RNF182: variants seen among roughly 807,000 people sequenced by gnomAD.
The protein encoded by RNF182 is E3 ubiquitin-protein ligase RNF182.
Under a neutral mutation model 14.4 loss-of-function variants are expected in RNF182, and 15 were observed. That is an observed-to-expected ratio of 1.04 (90% CI 0.70 to 1.60). The LOEUF is 1.60. Among genes scored for constraint, RNF182 ranks in the 40% most tolerant of loss-of-function variants. The probability of loss-of-function intolerance (pLI) is 0.00; values close to 1 mark genes in which losing one functional copy is unlikely to be tolerated. For synonymous variants in RNF182, 128 were observed against 122.9 expected (o/e 1.04, Z -0.27); for missense variants, 268 against 294.8 (o/e 0.91, Z 0.67).
At chr6:13,931,699 A>C (rs1342262997) in intron 1 of RNF182, among the ~76,000 whole-genome samples, 1 of 151,458 alleles carries the variant, frequency 6.6e-6, no homozygotes, top group Admixed American at 6.6e-5. Flanking sequence ...GACAGCCTGG[A>C]TTTGAATACT....
intron 1 of RNF182, among the ~76,000 whole-genome samples, chr6:13,945,116 G>C (rs1759406621): frequency 6.6e-6 from 1 of 152,156 alleles, no homozygotes; most frequent in Non-Finnish European, 1.5e-5. Context: ...GTTGCTCTTA[G>C]TTATAGAGCC....
chr6:13,967,236 A>G (rs1235131492), intron 1 of RNF182, among the ~76,000 whole-genome samples: 2 of 152,210 alleles, frequency 1.3e-5, no homozygotes, highest in Admixed American at 6.5e-5. Context: ...AACAAGTAAT[A>G]TAAGCTTTAG....
chr6:13,956,756 AC>A (rs1335973278), intron 1 of RNF182, among the ~76,000 whole-genome samples: 1 of 152,192 alleles, frequency 6.6e-6, no homozygotes, highest in Non-Finnish European at 1.5e-5. Context: ...CTTCAAGGAT[AC>A]CAACGGCTGA....
chr6:13,965,475 A>G (rs1157026812), intron 1 of RNF182, among the ~76,000 whole-genome samples: 1 of 152,224 alleles, frequency 6.6e-6, no homozygotes, highest in Non-Finnish European at 1.5e-5. Context: ...CAAATAGCTT[A>G]TTAAGTTCCA....
chr6:13,926,787 GTGTGTTT>G (rs1242285582), intron 1 of RNF182, among the ~76,000 whole-genome samples: 2 of 137,470 alleles, frequency 1.5e-5, no homozygotes, highest in African/African-American at 6.1e-5. Context: ...GTGTGTGTGT[GTGTGTTT>G]TTTTTTTTTT....
At chr6:13,948,489 T>G (rs186270726) in intron 1 of RNF182, among the ~76,000 whole-genome samples, 2 of 152,190 alleles carry the variant, frequency 1.3e-5, no homozygotes, top group East Asian at 3.8e-4. Context: ...AATAACACAT[T>G]TAAATAACCC....
intron 1 of RNF182, among the ~76,000 whole-genome samples, chr6:13,957,916 G>A (rs531985456): frequency 9.2e-5 from 14 of 152,026 alleles, no homozygotes; most frequent in Non-Finnish European, 1.9e-4. Flanking sequence ...GATACTTTTG[G>A]TGAGCCTAAA....
intron 1 of RNF182, among the ~76,000 whole-genome samples, chr6:13,951,247 G>A (rs972451350): frequency 3.3e-5 from 5 of 152,148 alleles, no homozygotes; most frequent in Admixed American, 2.0e-4. Flanking sequence ...TGGATTACTG[G>A]CTTCAGGCAG....
rs1760420392 is a variant in RNF182 at position 13,978,875 on chromosome 6, T to C, written c.*1012T>C. 1 of 167,128 alleles carries C rather than the reference T, an allele frequency of 6.0e-6. No homozygotes were observed. Among genetic ancestry groups the C allele is most frequent in the African/African-American group, 2.4e-5 (1 of 41,480 alleles). 10.4% of individuals were successfully genotyped at this position (167,128 alleles called of 1,614,324 possible). The stretch of plus-strand genomic sequence containing the variant: ...AACCAGAAACAGTTAATGAGATGCT[T>C]CAGCTCACAGTTTGAAGTGCTGAGA... On this transcript the variant is annotated 3_prime_UTR_variant, in exon 3 of 3. Transcript: ENST00000488300.
chr6:13,936,583 G>C (rs1759117011), intron 1 of RNF182, among the ~76,000 whole-genome samples: 2 of 152,214 alleles, frequency 1.3e-5, no homozygotes, highest in South Asian at 4.1e-4. Flanking sequence ...ACTGTGCTAG[G>C]CACTAATGAC....
intron 1 of RNF182, among the ~76,000 whole-genome samples, chr6:13,968,877 A>G (rs1339423388): frequency 6.6e-6 from 1 of 152,216 alleles, no homozygotes; most frequent in Non-Finnish European, 1.5e-5. Flanking sequence ...TTATTTATTT[A>G]TATAAATTTC....
intron 1 of RNF182, among the ~76,000 whole-genome samples, chr6:13,967,721 T>C (rs566158403): frequency 4.0e-4 from 61 of 152,246 alleles, no homozygotes; most frequent in Non-Finnish European, 6.6e-4. Context: ...TATATAACCT[T>C]TTTAAAATTT....
At chr6:13,969,280 G>T (rs1338495751) in intron 1 of RNF182, among the ~76,000 whole-genome samples, 1 of 151,932 alleles carries the variant, frequency 6.6e-6, no homozygotes, top group Admixed American at 6.6e-5. Flanking sequence ...GTCCTGTCTT[G>T]TCCCTAGCTT....
chr6:13,926,775 TTGTGTG>T (rs967148826), intron 1 of RNF182, among the ~76,000 whole-genome samples: 1 of 150,488 alleles, frequency 6.6e-6, no homozygotes, highest in Non-Finnish European at 1.5e-5. Context: ...TTTTGTGTGT[TTGTGTG>T]TGTGTGTGTG....
At chr6:13,946,601 C>T (rs1238609544) in intron 1 of RNF182, among the ~76,000 whole-genome samples, 1 of 152,168 alleles carries the variant, frequency 6.6e-6, no homozygotes, top group East Asian at 1.9e-4. Context: ...CTTCCCTTAA[C>T]TGTAAATATC....
Position 13,953,574 on chromosome 6 carries a change from AGCCTCT to A in RNF182, c.-366-20634_-366-20629del, listed in dbSNP as rs200175015. On this transcript the variant is annotated intron_variant, in intron 1 of 2. Coordinates refer to ENST00000488300, the MANE Select transcript of RNF182 (RefSeq NM_152737.4). ...ACGAGTCATGGAATAGGCAGTGTGA[AGCCTCT>A]GGCTTATAAAGTGGCGTAAGTCAGG... 3.9e-3 allele frequency among the ~76,000 whole-genome samples: 593 copies of A among 152,326 alleles called. 2 individuals carry two copies. Among genetic ancestry groups the A allele is most frequent in the African/African-American group, 0.011 (454 of 41,574 alleles).
intron 1 of RNF182, among the ~76,000 whole-genome samples, chr6:13,972,314 A>G (rs1259740916): frequency 6.6e-6 from 1 of 152,028 alleles, no homozygotes; most frequent in African/African-American, 2.4e-5. Flanking sequence ...CAAAAAAAAA[A>G]AAAAAAAGCA....
At chr6:13,969,241 T>C (rs1334107775) in intron 1 of RNF182, among the ~76,000 whole-genome samples, 2 of 152,186 alleles carry the variant, frequency 1.3e-5, no homozygotes, top group African/African-American at 2.4e-5. Flanking sequence ...TTTTTCTGGT[T>C]CTGTATCCCT....
At chr6:13,953,062 CAT>C (rs1162476386) in intron 1 of RNF182, among the ~76,000 whole-genome samples, 6 of 152,210 alleles carry the variant, frequency 3.9e-5, no homozygotes, top group Non-Finnish European at 7.3e-5. Flanking sequence ...TAAGACAGGA[CAT>C]CAGGACATTT....
Sources: allele counts gnomAD v4.1 joint callset (sites outside exome capture counted in the v4.1 genomes callset), GRCh38; gene constraint gnomAD v4.1.1; transcripts MANE v1.5; gene names NCBI Gene and HGNC (gene_info 2026-07-23, HGNC 2026-07-21).